HHLA1: variants seen among roughly 807,000 people sequenced by gnomAD.
HHLA1 encodes the protein HHLA1 neighbor of OC90, also known as HERV-H LTR-associating protein 1.
A neutral mutation model predicts 69.9 loss-of-function variants in HHLA1; 72 were observed. The observed-to-expected ratio is 1.03, with a 90% CI of 0.85 to 1.25. The LOEUF is 1.25. Ranked by LOEUF, HHLA1 falls within the 50% of genes most tolerant of loss-of-function variation. The pLI is 0.00. For synonymous variants in HHLA1, 252 were observed against 233.2 expected, an observed-to-expected ratio of 1.08 and a Z score of -0.73; for missense variants, 685 against 642.2, an observed-to-expected ratio of 1.07 and a Z score of -0.72.
rs1823484755 is a variant in HHLA1, at chr8:132,068,950, C to T, written c.1469+2390G>A. On this transcript the variant is annotated intron_variant, in intron 15 of 16. Transcript: ENST00000414222. ...TTAAAAATGGACAGGATTTAGAGGG[C>T]TGCACTTCAATAATTCTGTATGTTT... Among the ~76,000 whole-genome samples, 5 of 152,160 alleles carry T rather than the reference C, an allele frequency of 3.3e-5. No individual in the cohort carries two copies. In the South Asian group the frequency reaches 1.0e-3, roughly 32 times the overall value.
At chr8:132,074,883 A>C (rs1237303691) in intron 14 of HHLA1, among the ~76,000 whole-genome samples, 1 of 152,194 alleles carries the variant, frequency 6.6e-6, no homozygotes, top group Admixed American at 6.5e-5. Context: ...AGATATGGTA[A>C]ATACCTATTA....
At chr8:132,109,365 G>A (rs764588707) in intron 1 of HHLA1, among the ~76,000 whole-genome samples, 8 of 152,148 alleles carry the variant, frequency 5.3e-5, no homozygotes, top group African/African-American at 9.7e-5. Flanking sequence ...GATTGCAGGC[G>A]TGAGCCACTG....
chr8:132,100,134 A>G lies in HHLA1; in HGVS notation c.140T>C (p.Val47Ala). ...EKGMTFLPTT[V>A]SGLREEERKE... ...CCTCTCTTCTTCTCTAAGGCCAGAC[A>G]CTGGGAAGGAGACAGTTTTCATGAG... Residue 47 changes from valine to alanine, a missense_variant and splice_region_variant, in exon 4 of 17, where the codon GTG becomes GCG. Val to Ala is a moderately conservative substitution (Grantham distance 64). Transcript: ENST00000414222. 1 of 1,549,100 alleles carries G rather than the reference A, an allele frequency of 6.5e-7. No individual in the cohort carries two copies. Among genetic ancestry groups the G allele is most frequent in the South Asian group, 1.2e-5 (1 of 84,012 alleles).
At chr8:132,100,274 C>T in intron 3 of HHLA1, 140 bp from the exon 4 acceptor site, 2 of 664,686 alleles carry the variant, frequency 3.0e-6, no homozygotes, top group Non-Finnish European at 5.4e-6. Context: ...AGGCAGATCA[C>T]AGACTCTTCT....
At chr8:132,085,641 C>T (rs1328876522) in intron 10 of HHLA1, 21 of 158,398 alleles carry the variant, frequency 1.3e-4, no homozygotes, top group Admixed American at 7.8e-4. Context: ...GGGCTGAGTC[C>T]GAAAAGAGAG....
At chr8:132,104,004 C>A in intron 3 of HHLA1, 104 bp downstream of exon 3, 1 of 748,392 alleles carries the variant, frequency 1.3e-6, no homozygotes, top group Middle Eastern at 2.3e-4. Flanking sequence ...GTGTTAGATG[C>A]GGATATAATC....
At chr8:132,087,290 A>G (rs1410083536) in intron 10 of HHLA1, among the ~76,000 whole-genome samples, 1 of 152,184 alleles carries the variant, frequency 6.6e-6, no homozygotes, top group Non-Finnish European at 1.5e-5. Flanking sequence ...GGTCTCCAGC[A>G]TGGGGTCACA....
intron 15 of HHLA1, among the ~76,000 whole-genome samples, chr8:132,068,996 G>T (rs1433249703): frequency 6.6e-6 from 1 of 152,192 alleles, no homozygotes; most frequent in East Asian, 1.9e-4. Flanking sequence ...GAACAAGGAG[G>T]GAGTAGAAAG....
chr8:132,089,009 T>A (rs1417450815), intron 8 of HHLA1, among the ~76,000 whole-genome samples: 1 of 152,242 alleles, frequency 6.6e-6, no homozygotes, highest in African/African-American at 2.4e-5. Context: ...GTTGTTGGAC[T>A]GTTGAATAGA....
chr8:132,066,064 A>G (rs1823433202), intron 15 of HHLA1, 96 bp from the exon 16 acceptor site: 1 of 461,356 alleles, frequency 2.2e-6, no homozygotes, highest in Middle Eastern at 3.5e-4. Flanking sequence ...AACATGAACT[A>G]TATGGCCAAT....
intron 2 of HHLA1, among the ~76,000 whole-genome samples, chr8:132,104,414 G>A (rs1415612107): frequency 6.6e-6 from 1 of 152,160 alleles, no homozygotes; most frequent in African/African-American, 2.4e-5. Context: ...GTGCTGGAAA[G>A]GCAGACACAT....
chr8:132,083,023 G>T (rs1227071603), intron 10 of HHLA1, among the ~76,000 whole-genome samples: 2 of 150,978 alleles, frequency 1.3e-5, no homozygotes, highest in Non-Finnish European at 2.9e-5. Flanking sequence ...TAATGAGATG[G>T]TAAGGGGTGC....
intron 1 of HHLA1, among the ~76,000 whole-genome samples, chr8:132,106,278 GGCAAATTGCA>G (rs1382281485): frequency 6.6e-6 from 1 of 152,306 alleles, no homozygotes; most frequent in East Asian, 1.9e-4. Flanking sequence ...ACATCCTCAG[GGCAAATTGCA>G]TGTTGAGAAG....
At chr8:132,086,633 G>A (rs1224814650) in intron 10 of HHLA1, among the ~76,000 whole-genome samples, 2 of 152,160 alleles carry the variant, frequency 1.3e-5, no homozygotes, top group Middle Eastern at 6.4e-3. Context: ...GTGTTGAGGG[G>A]GGTGTGGTGG....
chr8:132,103,038 G>C (rs999280106), intron 3 of HHLA1, among the ~76,000 whole-genome samples: 1 of 152,106 alleles, frequency 6.6e-6, no homozygotes, highest in Non-Finnish European at 1.5e-5. Context: ...AAAATAGAAG[G>C]TTCCTGGCAT....
chr8:132,095,621 C>T lies in HHLA1; in HGVS notation c.365-19G>A, dbSNP rs763592933. On this transcript the variant is annotated intron_variant, in intron 6 of 16. Transcript: ENST00000414222. The stretch of plus-strand genomic sequence containing the variant: ...TTAGAAACTGTGAAGAGAAAGGATT[C>T]AACAGAGATCCTAACACACAGACCA... The T allele has an allele frequency of 1.1e-5, 17 of 1,535,718 alleles. No homozygotes were observed. In the Middle Eastern group the frequency reaches 5.0e-4, roughly 45 times the overall value.
intron 10 of HHLA1, among the ~76,000 whole-genome samples, chr8:132,083,432 A>G (rs1390900606): frequency 6.6e-6 from 1 of 152,014 alleles, no homozygotes; most frequent in African/African-American, 2.4e-5. Flanking sequence ...TTCCACTGTG[A>G]GAGTTACCCG....
intron 10 of HHLA1, chr8:132,080,711 A>C (rs1823736501): frequency 6.5e-6 from 1 of 152,766 alleles, no homozygotes; most frequent in South Asian, 2.1e-4. Context: ...TATATTAATA[A>C]GAAAAATAAA....
intron 8 of HHLA1, among the ~76,000 whole-genome samples, chr8:132,088,834 C>G (rs1225718615): frequency 1.3e-5 from 2 of 152,112 alleles, no homozygotes; most frequent in Admixed American, 1.3e-4. Flanking sequence ...ATAGTAGCTG[C>G]CCCAAAAGGT....
Sources: allele counts gnomAD v4.1 joint callset (sites outside exome capture counted in the v4.1 genomes callset), GRCh38; gene constraint gnomAD v4.1.1; transcripts MANE v1.5; gene names NCBI Gene and HGNC (gene_info 2026-07-23, HGNC 2026-07-21).